Variants in FAM171A1 observed in about 807,000 individuals in gnomAD.
FAM171A1 encodes protein FAM171A1.
A neutral mutation model predicts 74.9 loss-of-function variants in FAM171A1; 23 were observed. That is an observed-to-expected ratio of 0.31 (90% CI 0.22 to 0.44). The LOEUF (loss-of-function observed/expected upper bound fraction) is 0.44. FAM171A1 is among the 20% of genes least tolerant of loss of function. The pLI is 1.00. For synonymous variants in FAM171A1, 527 were observed against 505.7 expected (o/e 1.04, Z -0.57); for missense variants, 1,162 against 1,159.2 (o/e 1.00, Z -0.03).
intron 7 of FAM171A1, 99 bp downstream of exon 7, chr10:15,215,897 A>AT (rs931222379): frequency 1.4e-6 from 1 of 694,982 alleles, no homozygotes; most frequent in African/African-American, 1.8e-5. Context: ...ATTTAGAAAA[A>AT]TTAAAAAAAA....
At chr10:15,224,917 A>T (rs1287369983) in intron 5 of FAM171A1, among the ~76,000 whole-genome samples, 2 of 152,166 alleles carry the variant, frequency 1.3e-5, no homozygotes, top group Non-Finnish European at 2.9e-5. Flanking sequence ...CTTTGCCTGC[A>T]AATGTAGCTC....
At chr10:15,244,569 A>G (rs1280844952) in intron 5 of FAM171A1, among the ~76,000 whole-genome samples, 4 of 152,232 alleles carry the variant, frequency 2.6e-5, no homozygotes, top group African/African-American at 9.6e-5. Flanking sequence ...ATGTGATTCA[A>G]CCATTCAACA....
At chr10:15,219,295 G>T (rs1000379473) in intron 6 of FAM171A1, among the ~76,000 whole-genome samples, 8 of 151,762 alleles carry the variant, frequency 5.3e-5, no homozygotes, top group African/African-American at 9.7e-5. Flanking sequence ...AAAAACAAAC[G>T]AACAACAACA....
intron 7 of FAM171A1, 69 bp downstream of exon 7, chr10:15,215,927 G>T: frequency 1.1e-6 from 1 of 943,686 alleles, no homozygotes. Context: ...CCATATTAAT[G>T]CTTCTAAGTA....
At chr10:15,282,746 C>T (rs1016990918) in intron 2 of FAM171A1, among the ~76,000 whole-genome samples, 1 of 151,866 alleles carries the variant, frequency 6.6e-6, no homozygotes, top group Admixed American at 6.6e-5. Context: ...GGGTCTTCCT[C>T]TGTCACCCAG....
rs73587642 is a variant in FAM171A1, at chr10:15,219,582, T to C, written c.871+1362A>G. Among the ~76,000 whole-genome samples the C allele has an allele frequency of 8.0e-3, 1,217 of 152,248 alleles. 17 individuals are homozygous for C. The highest frequency in any genetic ancestry group is 0.028 in the African/African-American group (1,158 of 41,534). On this transcript the variant is annotated intron_variant, in intron 6 of 7. Coordinates refer to ENST00000378116, the MANE Select transcript of FAM171A1 (RefSeq NM_001010924.2). ...AATAGCATCAAGGGAAACACATTAA[T>C]CTTTTTTTTCTTTTTTTGAGAGGGT...
chr10:15,214,194 G>C lies in FAM171A1; in HGVS notation c.1394C>G (p.Pro465Arg). ...KDYHKSVEVF[P>R]LKARKSMERE... ...TTCCATAGATTTTCTTGCCTTTAAGGGAAAAACCTCCACTGACTTATGGTA... is the reference window on the plus strand; with the variant it reads ...TTCCATAGATTTTCTTGCCTTTAAGCGAAAAACCTCCACTGACTTATGGTA... Residue 465 changes from proline to arginine, a missense_variant, in exon 8 of 8, where the codon CCC (proline) becomes CGC (arginine). Coordinates refer to ENST00000378116, the MANE Select transcript of FAM171A1 (RefSeq NM_001010924.2). The C allele has an allele frequency of 6.2e-7, 1 of 1,614,092 alleles. No individual in the cohort carries two copies. Among genetic ancestry groups the C allele is most frequent in the African/African-American group, 1.3e-5 (1 of 75,018 alleles).
rs181803040 is a variant in FAM171A1, at chr10:15,345,624, T to C, written c.97+25332A>G. On this transcript the variant is annotated intron_variant, in intron 1 of 7. Coordinates refer to ENST00000378116, the MANE Select transcript of FAM171A1 (RefSeq NM_001010924.2). Reference sequence around the variant, plus strand: ...GGGAGGTCTGGACGGGGGATAGCCTTGGGCATCCATCCAGGAGGGGGCTGG... The same window carrying C: ...GGGAGGTCTGGACGGGGGATAGCCTCGGGCATCCATCCAGGAGGGGGCTGG... Among the ~76,000 whole-genome samples, 16 of 152,184 alleles carry C rather than the reference T, an allele frequency of 1.1e-4. 1 individual carries two copies. The highest frequency in any genetic ancestry group is 3.6e-4 in the African/African-American group (15 of 41,506).
chr10:15,364,150 GAT>G (rs60121904), intron 1 of FAM171A1, among the ~76,000 whole-genome samples: 55,295 of 151,812 alleles, frequency 0.36, 10,281 homozygotes, highest in Non-Finnish European at 0.42. Context: ...GTTACTAACA[GAT>G]ATGTTTCAAC....
chr10:15,290,822 A>C (rs1329113701), intron 1 of FAM171A1, among the ~76,000 whole-genome samples: 1 of 152,108 alleles, frequency 6.6e-6, no homozygotes, highest in Non-Finnish European at 1.5e-5. Flanking sequence ...CACTGAATTA[A>C]AACTCCCACG....
intron 7 of FAM171A1, 68 bp from the exon 8 acceptor site, chr10:15,214,669 A>C (rs1833945460): frequency 4.0e-6 from 6 of 1,491,032 alleles, no homozygotes; most frequent in Non-Finnish European, 5.3e-6. Context: ...TTCAAGTTTC[A>C]GGTAAAATCC....
intron 3 of FAM171A1, among the ~76,000 whole-genome samples, chr10:15,256,199 C>T (rs1414910654): frequency 6.6e-6 from 1 of 152,144 alleles, no homozygotes; most frequent in East Asian, 1.9e-4. Context: ...TATCTCCACT[C>T]CAGGGTTCCT....
At chr10:15,362,025 G>C (rs1836000771) in intron 1 of FAM171A1, among the ~76,000 whole-genome samples, 1 of 152,132 alleles carries the variant, frequency 6.6e-6, no homozygotes. Flanking sequence ...TAAGCTAACT[G>C]CTACTTCCCA....
chr10:15,331,846 T>TGTATAC (rs1381766203), intron 1 of FAM171A1, among the ~76,000 whole-genome samples: 808 of 45,288 alleles, frequency 0.018, 8 homozygotes, highest in South Asian at 0.028. Context: ...TATATGTGTG[T>TGTATAC]ATATATATGT....
At chr10:15,220,779 C>T (rs943671480) in intron 6 of FAM171A1, among the ~76,000 whole-genome samples, 165 bp downstream of exon 6, 3 of 152,154 alleles carry the variant, frequency 2.0e-5, no homozygotes, top group Admixed American at 1.3e-4. Context: ...AGTCCCCCAC[C>T]CCCGCAAAAT....
chr10:15,370,404 A>G (rs1040990029), intron 1 of FAM171A1, among the ~76,000 whole-genome samples: 1 of 151,086 alleles, frequency 6.6e-6, no homozygotes, highest in African/African-American at 2.5e-5. Flanking sequence ...AAACTGCGGC[A>G]GGCTAGTGGC....
At chr10:15,298,620 T>C (rs1391197952) in intron 1 of FAM171A1, among the ~76,000 whole-genome samples, 1 of 152,184 alleles carries the variant, frequency 6.6e-6, no homozygotes, top group African/African-American at 2.4e-5. Context: ...ATGCTACATA[T>C]GGCTCCAAAA....
intron 3 of FAM171A1, among the ~76,000 whole-genome samples, chr10:15,265,489 C>T (rs765581402): frequency 4.9e-5 from 7 of 142,988 alleles, no homozygotes; most frequent in African/African-American, 1.3e-4. Context: ...GTGGTGCATG[C>T]CTATAGTCCC....
At chr10:15,313,994 TCTC>T (rs1222349654) in intron 1 of FAM171A1, among the ~76,000 whole-genome samples, 18 of 152,192 alleles carry the variant, frequency 1.2e-4, no homozygotes, top group African/African-American at 4.3e-4. Flanking sequence ...GGATCTGGCC[TCTC>T]CTCCTGTTAT....
Sources: allele counts gnomAD v4.1 joint callset (sites outside exome capture counted in the v4.1 genomes callset), GRCh38; gene constraint gnomAD v4.1.1; transcripts MANE v1.5; gene names NCBI Gene and HGNC (gene_info 2026-07-23, HGNC 2026-07-21).